The following LDLRAD3 variants were observed in gnomAD, a reference collection of about 807,000 sequenced individuals.
The protein encoded by LDLRAD3 is low density lipoprotein receptor class A domain containing 3.
Under a neutral mutation model 29.4 loss-of-function variants are expected in LDLRAD3, and 20 were observed. The observed-to-expected ratio is 0.68, with a 90% CI of 0.48 to 0.99. The LOEUF (loss-of-function observed/expected upper bound fraction) is 0.99. LDLRAD3 is among the 50% of genes least tolerant of loss of function. The probability of loss-of-function intolerance (pLI) is 0.00; values close to 1 mark genes in which losing one functional copy is unlikely to be tolerated. For missense variants in LDLRAD3, 420 were observed against 454.3 expected, an observed-to-expected ratio of 0.92 and a Z score of 0.69; for synonymous variants, 157 against 192.7, an observed-to-expected ratio of 0.81 and a Z score of 1.53.
chr11:35,987,995 G>T (rs1851636106), intron 1 of LDLRAD3, among the ~76,000 whole-genome samples: 1 of 152,134 alleles, frequency 6.6e-6, no homozygotes, highest in Non-Finnish European at 1.5e-5. Context: ...TTATGGTTTT[G>T]ATTTGCATTT....
At chr11:36,214,498 G>A (rs775868388) in intron 4 of LDLRAD3, among the ~76,000 whole-genome samples, 2 of 152,226 alleles carry the variant, frequency 1.3e-5, no homozygotes, top group Admixed American at 6.5e-5. Context: ...GACTGTTTTT[G>A]TACAGTGAAC....
intron 4 of LDLRAD3, among the ~76,000 whole-genome samples, chr11:36,122,555 A>T (rs1292552686): frequency 6.6e-6 from 1 of 152,226 alleles, no homozygotes; most frequent in Non-Finnish European, 1.5e-5. Flanking sequence ...CTGCATGACG[A>T]TGATGATAAC....
chr11:36,174,708 G>A (rs974246426), intron 4 of LDLRAD3, among the ~76,000 whole-genome samples: 8 of 152,190 alleles, frequency 5.3e-5, no homozygotes, highest in East Asian at 1.9e-4. Context: ...TAGGCCAGGC[G>A]CAGTGGCTCA....
chr11:36,074,044 G>A (rs1852953444), intron 2 of LDLRAD3, among the ~76,000 whole-genome samples: 1 of 152,192 alleles, frequency 6.6e-6, no homozygotes, highest in South Asian at 2.1e-4. Flanking sequence ...GTGAAACAGA[G>A]CGCAATGCTT....
In LDLRAD3 at chr11:36,193,209, T is replaced by C. The variant is rs115966509; in HGVS notation, c.455-33876T>C. Among the ~76,000 whole-genome samples the C allele has an allele frequency of 8.4e-3, 1,281 of 152,284 alleles. 22 individuals are homozygous for C. The highest frequency in any genetic ancestry group is 0.029 in the African/African-American group (1,218 of 41,554). ...TGGGAACATTCTGTGAGCCAATGTATACAAATTGCTTAGCCCAAAATATGG... is the reference window on the plus strand; with the variant it reads ...TGGGAACATTCTGTGAGCCAATGTACACAAATTGCTTAGCCCAAAATATGG... On this transcript the variant is annotated intron_variant, in intron 4 of 5. Transcript: ENST00000315571.
At chr11:36,098,982 C>T (rs149638524) in intron 4 of LDLRAD3, among the ~76,000 whole-genome samples, 13 of 143,018 alleles carry the variant, frequency 9.1e-5, no homozygotes, top group Non-Finnish European at 1.4e-4. Context: ...ATCACAACTG[C>T]TGCCCTATTT....
intron 2 of LDLRAD3, among the ~76,000 whole-genome samples, chr11:36,063,011 T>A (rs1852730020): frequency 6.6e-6 from 1 of 151,926 alleles, no homozygotes; most frequent in Admixed American, 6.6e-5. Context: ...GAATAGAGAG[T>A]CTCTGCATTT....
intron 4 of LDLRAD3, among the ~76,000 whole-genome samples, chr11:36,164,795 A>G (rs538711585): frequency 9.2e-5 from 14 of 152,340 alleles, no homozygotes; most frequent in Admixed American, 3.9e-4. Context: ...AGATTCTTCT[A>G]TGTCCCAGAT....
intron 4 of LDLRAD3, among the ~76,000 whole-genome samples, chr11:36,191,576 C>CTCTCTATATATA (rs377747518): frequency 3.0e-4 from 16 of 53,414 alleles, no homozygotes; most frequent in African/African-American, 4.1e-4. Context: ...CTCTCTCTCT[C>CTCTCTATATATA]TATATATATA....
Position 36,210,223 on chromosome 11 carries a change from T to G in LDLRAD3, c.455-16862T>G, listed in dbSNP as rs569683931. On this transcript the variant is annotated intron_variant, in intron 4 of 5. Transcript: ENST00000315571. The stretch of plus-strand genomic sequence containing the variant: ...GGAAATGTAGGATGAATGAGTGAAT[T>G]CATTCTGCTGCCTGCCCTCCGTGGG... Among the ~76,000 whole-genome samples, 178 of 152,290 alleles carry G rather than the reference T, an allele frequency of 1.2e-3. 2 individuals are homozygous for G. The highest frequency in any genetic ancestry group is 0.01 in the Middle Eastern group (3 of 294).
intron 2 of LDLRAD3, among the ~76,000 whole-genome samples, chr11:36,041,553 T>C (rs1157358060): frequency 1.3e-5 from 2 of 152,248 alleles, no homozygotes; most frequent in African/African-American, 4.8e-5. Context: ...AATATTTACA[T>C]GGCCGTTAGT....
chr11:35,965,595 C>T (rs1299862472), intron 1 of LDLRAD3, among the ~76,000 whole-genome samples: 3 of 151,902 alleles, frequency 2.0e-5, no homozygotes, highest in Non-Finnish European at 4.4e-5. Flanking sequence ...CTGGGGAGGC[C>T]TTTGTGAAGA....
intron 4 of LDLRAD3, among the ~76,000 whole-genome samples, chr11:36,191,576 C>CTCTCTCTCTCTCTCTATATATA (rs377747518): frequency 1.9e-5 from 1 of 53,432 alleles, no homozygotes; most frequent in African/African-American, 8.3e-5. Flanking sequence ...CTCTCTCTCT[C>CTCTCTCTCTCTCTCTATATATA]TATATATATA....
intron 2 of LDLRAD3, among the ~76,000 whole-genome samples, chr11:36,064,596 A>G (rs1266949813): frequency 3.3e-5 from 5 of 150,628 alleles, no homozygotes; most frequent in African/African-American, 1.2e-4. Context: ...CTGGGATTAC[A>G]GGCATGAGCT....
At chr11:35,969,446 T>A (rs1169867269) in intron 1 of LDLRAD3, among the ~76,000 whole-genome samples, 1 of 152,226 alleles carries the variant, frequency 6.6e-6, no homozygotes, top group Non-Finnish European at 1.5e-5. Flanking sequence ...CTTAATGAGC[T>A]CAGTCAAAGT....
chr11:36,011,314 A>G (rs1851952574), intron 1 of LDLRAD3, among the ~76,000 whole-genome samples: 1 of 152,134 alleles, frequency 6.6e-6, no homozygotes, highest in Non-Finnish European at 1.5e-5. Context: ...TTTTTGGGTA[A>G]ATGAATGAAT....
At chr11:36,098,605 A>G in intron 4 of LDLRAD3, 144 bp downstream of exon 4, 2 of 865,276 alleles carry the variant, frequency 2.3e-6, no homozygotes, top group Non-Finnish European at 3.5e-6. Context: ...CAGCCCTTGT[A>G]CAGGTAGGTA....
chr11:36,017,799 T>C (rs1489401670), intron 1 of LDLRAD3, among the ~76,000 whole-genome samples: 3 of 152,158 alleles, frequency 2.0e-5, no homozygotes, highest in Non-Finnish European at 2.9e-5. Context: ...GCTGGAATTA[T>C]AGGCATGAGC....
chr11:36,076,960 TAC>T (rs1369536792), intron 2 of LDLRAD3, among the ~76,000 whole-genome samples: 1 of 152,222 alleles, frequency 6.6e-6, no homozygotes, highest in Non-Finnish European at 1.5e-5. Flanking sequence ...TTACTAGTAA[TAC>T]AGTTATGTTT....
Sources: gnomAD v4.1 joint callset for allele counts (sites outside exome capture counted in the v4.1 genomes callset) on GRCh38, gnomAD v4.1.1 for gene constraint, MANE v1.5 for transcripts, NCBI Gene and HGNC (gene_info 2026-07-23, HGNC 2026-07-21) for gene names.